The following ANKDD1A variants were observed in gnomAD, a reference collection of about 807,000 sequenced individuals.
The protein encoded by ANKDD1A is ankyrin repeat and death domain containing 1A.
In ANKDD1A, 59 loss-of-function variants were observed where a neutral mutation model predicts 63.5. The observed-to-expected ratio is 0.93, with a 90% CI of 0.75 to 1.15. The LOEUF (loss-of-function observed/expected upper bound fraction) is 1.15, where lower values mean the gene tolerates loss of function less well. ANKDD1A is among the 50% of genes most tolerant of loss of function. ANKDD1A has a pLI of 0.00. For synonymous variants in ANKDD1A, 266 were observed against 263.9 expected (o/e 1.01, Z -0.08); for missense variants, 632 against 656.4 (o/e 0.96, Z 0.41).
chr15:64,958,222 G>A lies in ANKDD1A; in HGVS notation c.*1034G>A, dbSNP rs1224592039. ...GGATGTTAGGGCAGTGAAAGGTTCT[G>A]TATGACACTGTGATGGTGGGTACAT... is the stretch of plus-strand genomic sequence containing the variant. On this transcript the variant is annotated 3_prime_UTR_variant, in exon 15 of 15. Transcript: ENST00000319580. 1.3e-5 allele frequency: 2 copies of A among 152,306 alleles called. No homozygotes were observed. The highest frequency in any genetic ancestry group is 2.9e-5 in the Non-Finnish European group (2 of 68,084). The allele number at this position is 152,306 out of a possible 1,614,324, so 9.4% of individuals were successfully genotyped here.
intron 13 of ANKDD1A, among the ~76,000 whole-genome samples, chr15:64,948,588 G>T (rs1374966803): frequency 6.6e-6 from 1 of 152,136 alleles, no homozygotes; most frequent in East Asian, 1.9e-4. Context: ...ACTTTGGGAG[G>T]CCAAGGTGGG....
intron 14 of ANKDD1A, among the ~76,000 whole-genome samples, chr15:64,954,730 T>TCTCCTCCTCCTC (rs2085396366): frequency 2.2e-5 from 1 of 44,810 alleles, no homozygotes; most frequent in Non-Finnish European, 5.1e-5. Context: ...TCCTCCTCCT[T>TCTCCTCCTCCTC]CTTCTTCCTT....
intron 8 of ANKDD1A, among the ~76,000 whole-genome samples, chr15:64,933,486 T>TG (rs1400765598): frequency 6.6e-6 from 1 of 152,190 alleles, no homozygotes; most frequent in African/African-American, 2.4e-5. Flanking sequence ...CAGCTTGTGC[T>TG]GGGCAGTGCA....
intron 13 of ANKDD1A, among the ~76,000 whole-genome samples, chr15:64,948,890 G>A (rs1477501867): frequency 2.0e-5 from 3 of 152,158 alleles, no homozygotes; most frequent in Non-Finnish European, 4.4e-5. Flanking sequence ...TATCAATTTG[G>A]GATAGAGCAG....
chr15:64,928,800 T>G (rs910713022), intron 6 of ANKDD1A, among the ~76,000 whole-genome samples: 3 of 152,250 alleles, frequency 2.0e-5, no homozygotes, highest in African/African-American at 7.2e-5. Context: ...CAAGGCTGCC[T>G]TCTGCCCAGC....
Position 64,950,742 on chromosome 15 carries a change from C to T in ANKDD1A, c.1483+770C>T, listed in dbSNP as rs549882731. On this transcript the variant is annotated intron_variant, in intron 14 of 14. Transcript: ENST00000319580. ...AAAGAAAGGACCGCCCCCCCCCCCC[C>T]CCCCCCCCATAGCTGCTATAGGCAA... 534 of 907,516 alleles carry T rather than the reference C, an allele frequency of 5.9e-4. 26 individuals are homozygous for T. In the African/African-American group the frequency reaches 7.8e-3, roughly 13 times the overall value. The allele number at this position is 907,516 out of a possible 1,614,324, so 56.2% of individuals were successfully genotyped here.
chr15:64,952,399 CCTTCTTCTTCTTCTCCTT>C (rs2085307490), intron 14 of ANKDD1A, among the ~76,000 whole-genome samples: 1 of 56,744 alleles, frequency 1.8e-5, no homozygotes, highest in African/African-American at 5.6e-5. Flanking sequence ...TCTTCTTCCT[CCTTCTTCTTCTTCTCCTT>C]CTTAGTTTTC....
At chr15:64,918,357 C>T (rs2140365203) in intron 3 of ANKDD1A, among the ~76,000 whole-genome samples, 1 of 152,344 alleles carries the variant, frequency 6.6e-6, no homozygotes, top group East Asian at 1.9e-4. Context: ...TGCTCCCAGG[C>T]CTCACTATGT....
chr15:64,942,147 G>C (rs1194992871), intron 9 of ANKDD1A, among the ~76,000 whole-genome samples: 2 of 152,156 alleles, frequency 1.3e-5, no homozygotes, highest in Non-Finnish European at 2.9e-5. Context: ...TGCTAGGAGG[G>C]ACCATGGCAA....
chr15:64,930,098 G>A (rs962847916), intron 6 of ANKDD1A, among the ~76,000 whole-genome samples: 19 of 152,206 alleles, frequency 1.2e-4, no homozygotes, highest in African/African-American at 4.3e-4. Context: ...CCTGTTGAAG[G>A]GGGGCAAAGT....
chr15:64,926,166 A>T lies in ANKDD1A; in HGVS notation c.467A>T (p.Asp156Val), dbSNP rs2085045192. The T allele has an allele frequency of 6.2e-7, 1 of 1,613,646 alleles. No individual in the cohort carries two copies. The highest frequency in any genetic ancestry group is 1.1e-5 in the South Asian group (1 of 91,030). Residue 156 changes from aspartate to valine, a missense_variant, in exon 5 of 15, where the codon GAC (aspartate) becomes GTC (valine). Coordinates refer to ENST00000319580, the MANE Select transcript of ANKDD1A (RefSeq NM_182703.6). ...DLEDVALDHV[D>V]KLGRTAFHRA... ...GAGGATGTGGCCCTGGACCACGTAGACAAGGTGAGAGTGCCTCAGGGCTAC... is the reference window on the plus strand; with the variant it reads ...GAGGATGTGGCCCTGGACCACGTAGTCAAGGTGAGAGTGCCTCAGGGCTAC...
rs2085432604 is a variant in ANKDD1A at position 64,957,860 on chromosome 15, A to G, written c.*672A>G. The G allele has an allele frequency of 6.6e-6, 1 of 152,240 alleles. No homozygotes were observed. Among genetic ancestry groups the G allele is most frequent in the Admixed American group, 6.5e-5 (1 of 15,278 alleles). The allele number at this position is 152,240 out of a possible 1,614,324, so 9.4% of individuals were successfully genotyped here. On this transcript the variant is annotated 3_prime_UTR_variant, in exon 15 of 15. Coordinates refer to ENST00000319580, the MANE Select transcript of ANKDD1A (RefSeq NM_182703.6). Reference sequence around the variant, plus strand: ...TCAGTGCATATAGTATATTACTAATAGTATGCTGTTAATTGTGTAAGAAAG... The same window carrying G: ...TCAGTGCATATAGTATATTACTAATGGTATGCTGTTAATTGTGTAAGAAAG...
chr15:64,930,945 A>T, intron 7 of ANKDD1A, 25 bp downstream of exon 7: 1 of 1,603,388 alleles, frequency 6.2e-7, no homozygotes, highest in South Asian at 1.1e-5. Context: ...GGGGATGGCG[A>T]GATGCATGAC....
At chr15:64,954,169 T>G (rs2085376293) in intron 14 of ANKDD1A, among the ~76,000 whole-genome samples, 1 of 126,360 alleles carries the variant, frequency 7.9e-6, no homozygotes. Flanking sequence ...CTTTCTTCTT[T>G]CTTTTCTTCT....
At chr15:64,918,581 G>A in intron 3 of ANKDD1A, among the ~76,000 whole-genome samples, 1 of 152,158 alleles carries the variant, frequency 6.6e-6, no homozygotes, top group East Asian at 1.9e-4. Context: ...TATCACCACT[G>A]TGCTGTTATT....
chr15:64,957,064 T>G, intron 14 of ANKDD1A, 39 bp from the exon 15 acceptor site: 1 of 449,938 alleles, frequency 2.2e-6, no homozygotes, highest in Non-Finnish European at 4.4e-6. Flanking sequence ...GATAATTGTT[T>G]TGTTTTGTTT....
At position 64,940,411 on chromosome 15, in the gene ANKDD1A, GATAGATAGATAGATAGATAGATAT is replaced by G. The variant is rs1158578343; in HGVS notation, c.868-2048_868-2025del. ...AGGATGATTGATAGATAGATAGATA[GATAGATAGATAGATAGATAGATAT>G]ATAGATATTTTTTTTGAGACAGAGT... On this transcript the variant is annotated intron_variant, in intron 9 of 14. Transcript: ENST00000319580. Among the ~76,000 whole-genome samples the G allele has an allele frequency of 1.6e-3, 190 of 121,040 alleles. 3 individuals carry two copies. The highest frequency in any genetic ancestry group is 1.4e-3 in the Non-Finnish European group (73 of 51,994). The allele number at this position is 121,040 out of a possible 152,430, so 79.4% of individuals were successfully genotyped here.
intron 9 of ANKDD1A, among the ~76,000 whole-genome samples, chr15:64,935,438 G>A (rs1012826431): frequency 6.6e-6 from 1 of 152,056 alleles, no homozygotes; most frequent in African/African-American, 2.4e-5. Context: ...CACTTTGGGA[G>A]GCCGAGGCGG....
chr15:64,955,617 G>A (rs1051331874), intron 14 of ANKDD1A, among the ~76,000 whole-genome samples: 1 of 152,190 alleles, frequency 6.6e-6, no homozygotes, highest in Non-Finnish European at 1.5e-5. Flanking sequence ...CTGCCCAGAG[G>A]CTGTTTCTGT....
Sources: gnomAD v4.1 joint callset for allele counts (sites outside exome capture counted in the v4.1 genomes callset) on GRCh38, gnomAD v4.1.1 for gene constraint, MANE v1.5 for transcripts, NCBI Gene and HGNC (gene_info 2026-07-23, HGNC 2026-07-21) for gene names.